DNER: variants seen among roughly 807,000 people sequenced by gnomAD.
DNER encodes delta and Notch-like epidermal growth factor-related receptor.
Under a neutral mutation model 78.2 loss-of-function variants are expected in DNER, and 33 were observed. The observed-to-expected ratio is 0.42, with a 90% CI of 0.32 to 0.56. The LOEUF (loss-of-function observed/expected upper bound fraction) is 0.56. Ranked by LOEUF, DNER falls within the 20% of genes least tolerant of loss-of-function variation. The pLI, the probability that DNER is intolerant of heterozygous loss-of-function variation, is 0.11. For synonymous variants in DNER, 417 were observed against 384.8 expected, an observed-to-expected ratio of 1.08 and a Z score of -0.98; for missense variants, 918 against 975.3, an observed-to-expected ratio of 0.94 and a Z score of 0.78.
In DNER at chr2:229,559,201, G is replaced by T. The variant is rs114946396; in HGVS notation, c.848-12109C>A. On this transcript the variant is annotated intron_variant, in intron 4 of 12. Coordinates refer to ENST00000341772, the MANE Select transcript of DNER (RefSeq NM_139072.4). ...AAAGGGAGCAATCAAGTTGGTGGTT[G>T]GACGTAGAATATGGGTAGTTAGAAA... 7.8e-3 allele frequency among the ~76,000 whole-genome samples: 1,180 copies of T among 152,208 alleles called. 23 individuals carry two copies. Among genetic ancestry groups the T allele is most frequent in the African/African-American group, 0.027 (1,120 of 41,534 alleles).
intron 4 of DNER, among the ~76,000 whole-genome samples, chr2:229,549,138 A>G (rs2154213277): frequency 6.6e-6 from 1 of 152,300 alleles, no homozygotes; most frequent in South Asian, 2.1e-4. Context: ...AGATGCATGG[A>G]AAGAAACACA....
At position 229,388,272 on chromosome 2, in the gene DNER, A is replaced by G; in HGVS notation, c.1848T>C (p.Cys616=). 6.2e-7 allele frequency: 1 copy of G among 1,606,218 alleles called. No individual in the cohort carries two copies. The part of the protein sequence containing the change: ...HCPHGWVGAN[C]EIHLQWKSGH... The stretch of plus-strand genomic sequence containing the variant: ...AGCTGCAGAAATACTTACGGATCTC[A>G]CAGTTTGCTCCCACCCAACCATGCG... The change falls in exon 11 of 13, where the codon TGT becomes TGC. Residue 616 remains cysteine, a synonymous_variant. Transcript: ENST00000341772.
chr2:229,425,561 T>A (rs1195988400), intron 8 of DNER, among the ~76,000 whole-genome samples: 1 of 152,198 alleles, frequency 6.6e-6, no homozygotes, highest in Non-Finnish European at 1.5e-5. Context: ...AAGCCTTCCA[T>A]GGCCTTTCAC....
chr2:229,491,340 G>C (rs1274028551), intron 6 of DNER, among the ~76,000 whole-genome samples: 1 of 152,132 alleles, frequency 6.6e-6, no homozygotes, highest in Non-Finnish European at 1.5e-5. Flanking sequence ...CCCTCACATG[G>C]CAGAAAAAGA....
At chr2:229,590,416 A>G (rs1220442655) in intron 2 of DNER, among the ~76,000 whole-genome samples, 1 of 152,234 alleles carries the variant, frequency 6.6e-6, no homozygotes, top group African/African-American at 2.4e-5. Flanking sequence ...TCTAAACCCC[A>G]TTGAAATACT....
intron 11 of DNER, among the ~76,000 whole-genome samples, chr2:229,373,317 T>C (rs1390069304): frequency 6.6e-6 from 1 of 152,174 alleles, no homozygotes; most frequent in East Asian, 1.9e-4. Context: ...AAAGAAAGCA[T>C]GTAAGTGGCC....
At chr2:229,561,723 A>T (rs1696962860) in intron 4 of DNER, among the ~76,000 whole-genome samples, 2 of 152,188 alleles carry the variant, frequency 1.3e-5, no homozygotes, top group South Asian at 4.1e-4. Context: ...AGACTAAGTT[A>T]TGTGTCCTAA....
intron 8 of DNER, among the ~76,000 whole-genome samples, chr2:229,442,423 G>A (rs1345978552): frequency 6.6e-6 from 1 of 151,990 alleles, no homozygotes; most frequent in Non-Finnish European, 1.5e-5. Flanking sequence ...GCTGAGGCAG[G>A]AGAATGGTGT....
chr2:229,399,936 T>TG (rs1197674605), intron 10 of DNER, among the ~76,000 whole-genome samples: 2 of 151,886 alleles, frequency 1.3e-5, no homozygotes, highest in African/African-American at 2.4e-5. Flanking sequence ...CAAAGGGGTC[T>TG]GGGGGGGAGC....
At chr2:229,387,235 C>A (rs1692887211) in intron 11 of DNER, among the ~76,000 whole-genome samples, 1 of 152,028 alleles carries the variant, frequency 6.6e-6, no homozygotes, top group Non-Finnish European at 1.5e-5. Flanking sequence ...AACAAAAAAC[C>A]AAACACCACA....
At chr2:229,480,827 T>C (rs1234637205) in intron 6 of DNER, among the ~76,000 whole-genome samples, 1 of 152,230 alleles carries the variant, frequency 6.6e-6, no homozygotes, top group East Asian at 1.9e-4. Context: ...TTAAAGTCTT[T>C]ATAGTAAAGA....
At position 229,450,386 on chromosome 2, in the gene DNER, G is replaced by T. The variant is rs548032550; in HGVS notation, c.1262-2846C>A. On this transcript the variant is annotated intron_variant, in intron 7 of 12. Coordinates refer to ENST00000341772, the MANE Select transcript of DNER (RefSeq NM_139072.4). ...TTAGAACTACTAGAACCCAGTAGAA[G>T]AGTTAATATTAAATATAGTTCTCAG... 4.9e-4 allele frequency among the ~76,000 whole-genome samples: 75 copies of T among 152,292 alleles called. 1 individual carries two copies. The highest frequency in any genetic ancestry group is 5.3e-4 in the Non-Finnish European group (36 of 68,020).
chr2:229,606,466 C>G (rs1201190688), intron 1 of DNER, among the ~76,000 whole-genome samples: 1 of 150,402 alleles, frequency 6.6e-6, no homozygotes, highest in Non-Finnish European at 1.5e-5. Context: ...AGCAGAAAAA[C>G]TGACATCTCT....
chr2:229,640,916 G>C (rs1422088481), intron 1 of DNER, among the ~76,000 whole-genome samples: 6 of 152,184 alleles, frequency 3.9e-5, no homozygotes, highest in African/African-American at 1.4e-4. Flanking sequence ...TGTCCAAAGG[G>C]GTGAGGGAGC....
intron 5 of DNER, among the ~76,000 whole-genome samples, chr2:229,529,915 G>T (rs183908424): frequency 7.6e-4 from 115 of 152,196 alleles, no homozygotes; most frequent in Non-Finnish European, 1.1e-3. Context: ...AGACTGAGGC[G>T]GGAGGATTGG....
intron 1 of DNER, among the ~76,000 whole-genome samples, chr2:229,615,706 T>C (rs768457427): frequency 5.9e-5 from 9 of 151,996 alleles, no homozygotes; most frequent in Non-Finnish European, 1.0e-4. Flanking sequence ...AGCAAGACTC[T>C]GTCTCAAACA....
chr2:229,472,282 T>G (rs1481585419), intron 7 of DNER, among the ~76,000 whole-genome samples: 1 of 152,222 alleles, frequency 6.6e-6, no homozygotes, highest in Admixed American at 6.5e-5. Flanking sequence ...GATTGCCATA[T>G]GTCTTCCGTA....
At chr2:229,510,522 A>G (rs1230274361) in intron 6 of DNER, among the ~76,000 whole-genome samples, 1 of 152,208 alleles carries the variant, frequency 6.6e-6, no homozygotes, top group Non-Finnish European at 1.5e-5. Context: ...AGGGTGGAGG[A>G]TTTGAGAATT....
chr2:229,432,687 C>T (rs6741786), intron 8 of DNER, among the ~76,000 whole-genome samples: 61,827 of 151,896 alleles, frequency 0.41, 13,240 homozygotes, highest in East Asian at 0.68. Flanking sequence ...GTTAGAAATG[C>T]GTGTTCTCAG....
Sources: allele counts gnomAD v4.1 joint callset (sites outside exome capture counted in the v4.1 genomes callset), GRCh38; gene constraint gnomAD v4.1.1; transcripts MANE v1.5; gene names NCBI Gene and HGNC (gene_info 2026-07-23, HGNC 2026-07-21).